Variants in C1QBP observed in about 807,000 individuals in gnomAD.
C1QBP encodes the protein complement component 1 Q subcomponent-binding protein, mitochondrial.
C1QBP carries 24 observed loss-of-function variants against 29.4 expected under a neutral mutation model. The observed-to-expected ratio is 0.82, with a 90% CI of 0.59 to 1.15. The LOEUF (loss-of-function observed/expected upper bound fraction) is 1.15. C1QBP is among the 50% of genes most tolerant of loss of function. The pLI, the probability that C1QBP is intolerant of heterozygous loss-of-function variation, is 0.00. For synonymous variants in C1QBP, 182 were observed against 149.2 expected (o/e 1.22, Z -1.60); for missense variants, 337 against 355.8 (o/e 0.95, Z 0.43).
rs776692849 is a variant in C1QBP, at chr17:5,433,780, G to T, written c.478-13C>A. ...ATGTCAGTTCAGGCTGGGGAAACAA[G>T]AAGTCAATACATGCTGCTGCTGGAA... On this transcript the variant is annotated splice_polypyrimidine_tract_variant and intron_variant, in intron 3 of 5. Transcript: ENST00000225698. 1.2e-6 allele frequency: 2 copies of T among 1,608,220 alleles called. No homozygotes were observed. Among genetic ancestry groups the T allele is most frequent in the Non-Finnish European group, 1.7e-6 (2 of 1,174,562 alleles).
rs774591612 is a variant in C1QBP, at chr17:5,438,211, G to A, written c.295C>T (p.His99Tyr). Reference protein sequence around the residue: ...EIKEERKIQKHKTLPKMSGGW... With the variant: ...EIKEERKIQKYKTLPKMSGGW... ...CCAGACATCTTAGGGAGGGTTTTAT[G>A]CTTCTGAATTTTTCTTTCCTCCTTA... Residue 99 changes from histidine to tyrosine, a missense_variant, in exon 2 of 6, where the codon CAT (histidine) becomes TAT (tyrosine). Physicochemically the swap from His to Tyr is moderately conservative, Grantham distance 83 (BLOSUM62 2). Coordinates refer to ENST00000225698, the MANE Select transcript of C1QBP (RefSeq NM_001212.4). The A allele has an allele frequency of 2.8e-5, 45 of 1,613,932 alleles. No homozygotes were observed. Among genetic ancestry groups the A allele is most frequent in the Non-Finnish European group, 3.8e-5 (45 of 1,180,018 alleles).
rs1916351987 is a variant in C1QBP at position 5,439,003 on chromosome 17, G to A, written c.71C>T (p.Pro24Leu). 6.7e-7 allele frequency: 1 copy of A among 1,485,440 alleles called. No homozygotes were observed. Among genetic ancestry groups the A allele is most frequent in the East Asian group, 2.8e-5 (1 of 35,596 alleles). The allele number at this position is 1,485,440 out of a possible 1,614,324, so 92.0% of individuals were successfully genotyped here. Residue 24 changes from proline to leucine, a missense_variant, in exon 1 of 6, where the codon CCC becomes CTC. Pro to Leu is a moderately conservative substitution (Grantham distance 98). Coordinates refer to ENST00000225698, the MANE Select transcript of C1QBP (RefSeq NM_001212.4). ...SSVAGLRAAA[P>L]ASPFRQLLQP... ...CAGGAGCTGCCGGAAAGGCGAGGCGGGCGCGGCAGCGCGGAGGCCGGCGAC... is the reference window on the plus strand; with the variant it reads ...CAGGAGCTGCCGGAAAGGCGAGGCGAGCGCGGCAGCGCGGAGGCCGGCGAC...
intron 3 of C1QBP, 39 bp downstream of exon 3, chr17:5,434,834 T>C (rs1350209947): frequency 6.4e-7 from 1 of 1,565,538 alleles, no homozygotes; most frequent in Non-Finnish European, 8.8e-7. Context: ...GCACAGCCTG[T>C]CAGAACTGAG....
In C1QBP at chr17:5,434,922, A is replaced by C; in HGVS notation, c.428T>G (p.Phe143Cys). Residue 143 changes from phenylalanine to cysteine, a missense_variant, in exon 3 of 6, where the codon TTT (phenylalanine) becomes TGT (cysteine). Coordinates refer to ENST00000225698, the MANE Select transcript of C1QBP (RefSeq NM_001212.4). Reference sequence around the variant, plus strand: ...TTGCGAGGGTTCCTCCTCACCATCAAATGTTGGTGGGATGCTGTTGTTAAT... The same window carrying C: ...TTGCGAGGGTTCCTCCTCACCATCACATGTTGGTGGGATGCTGTTGTTAAT... The part of the protein sequence containing the change: ...FNINNSIPPT[F>C]DGEEEPSQGQ... 6.2e-7 allele frequency: 1 copy of C among 1,614,028 alleles called. No individual in the cohort carries two copies. The highest frequency in any genetic ancestry group is 8.5e-7 in the Non-Finnish European group (1 of 1,179,970).
At chr17:5,438,782 C>G in intron 1 of C1QBP, 60 bp downstream of exon 1, 1 of 1,545,156 alleles carries the variant, frequency 6.5e-7, no homozygotes, top group Non-Finnish European at 8.7e-7. Context: ...AGGCCCTATT[C>G]CTGGTCTACG....
intron 2 of C1QBP, among the ~76,000 whole-genome samples, chr17:5,437,677 C>T (rs1597350870): frequency 6.6e-6 from 1 of 152,202 alleles, no homozygotes; most frequent in East Asian, 1.9e-4. Context: ...GACTATAATG[C>T]AGAAAAGTGT....
chr17:5,433,593 A>G, intron 4 of C1QBP, 76 bp downstream of exon 4: 1 of 1,553,736 alleles, frequency 6.4e-7, no homozygotes, highest in Non-Finnish European at 8.9e-7. Context: ...ATTTCTGCTA[A>G]AATAGGGACA....
At chr17:5,435,058 G>T in intron 2 of C1QBP, 92 bp from the exon 3 acceptor site, 1 of 1,119,006 alleles carries the variant, frequency 8.9e-7, no homozygotes, top group Non-Finnish European at 1.4e-6. Flanking sequence ...ATCTGCTACA[G>T]TTAAAAAGGC....
intron 2 of C1QBP, among the ~76,000 whole-genome samples, chr17:5,436,664 A>T (rs766945141): frequency 6.6e-6 from 1 of 151,720 alleles, no homozygotes; most frequent in Non-Finnish European, 1.5e-5. Flanking sequence ...AGTACTTACA[A>T]ATCATTAATT....
At chr17:5,434,656 C>T (rs527330692) in intron 3 of C1QBP, 5 of 333,046 alleles carry the variant, frequency 1.5e-5, no homozygotes, top group East Asian at 1.1e-4. Flanking sequence ...TTAGTAGAGA[C>T]GGGGTTTCAC....
In C1QBP at chr17:5,438,127, C is replaced by T. The variant is rs1394270936; in HGVS notation, c.379G>A (p.Glu127Lys). Residue 127 changes from glutamate to lysine, a missense_variant, in exon 2 of 6, where the codon GAA (glutamate) becomes AAA (lysine). Physicochemically the swap from Glu to Lys is moderately conservative, Grantham distance 56 (BLOSUM62 1). Coordinates refer to ENST00000225698, the MANE Select transcript of C1QBP (RefSeq NM_001212.4). ...GATCCCCAGACCAGTACTTACTTTT[C>T]CCCGGCAACTTTCCGCACTAATTTC... ...EAKLVRKVAGEKITVTFNINN... is the reference protein window; with the variant it reads ...EAKLVRKVAGKKITVTFNINN... 1.2e-6 allele frequency: 2 copies of T among 1,612,092 alleles called. No homozygotes were observed. The highest frequency in any genetic ancestry group is 3.3e-5 in the Admixed American group (2 of 60,018).
intron 3 of C1QBP, 97 bp downstream of exon 3, chr17:5,434,773 ATTT>A: frequency 5.4e-6 from 5 of 933,536 alleles, no homozygotes; most frequent in Non-Finnish European, 4.7e-6. Flanking sequence ...ACTTAGAGGA[ATTT>A]TTTTTTTTTG....
At chr17:5,434,470 T>C (rs1014570609) in intron 3 of C1QBP, among the ~76,000 whole-genome samples, 5 of 143,512 alleles carry the variant, frequency 3.5e-5, no homozygotes, top group Non-Finnish European at 7.6e-5. Context: ...CTCTCTTTTT[T>C]TTTTTTTTTT....
chr17:5,435,751 T>C (rs998519569), intron 2 of C1QBP, among the ~76,000 whole-genome samples: 6 of 151,354 alleles, frequency 4.0e-5, no homozygotes, highest in African/African-American at 1.5e-4. Context: ...ACATGAAGGC[T>C]GGGCGCAGTG....
intron 3 of C1QBP, 96 bp downstream of exon 3, chr17:5,434,777 T>C (rs962988183): frequency 1.7e-5 from 20 of 1,169,380 alleles, no homozygotes; most frequent in Non-Finnish European, 2.2e-5. Flanking sequence ...AGAGGAATTT[T>C]TTTTTTTTGA....
At chr17:5,434,520 T>G (rs562822806) in intron 3 of C1QBP, 1 of 146,194 alleles carries the variant, frequency 6.8e-6, no homozygotes, top group Admixed American at 7.5e-5. Context: ...CAGGCTGGAG[T>G]GCAGTGGTGT....
At chr17:5,433,866 G>A in intron 3 of C1QBP, 99 bp from the exon 4 acceptor site, 1 of 1,018,830 alleles carries the variant, frequency 9.8e-7, no homozygotes, top group Non-Finnish European at 1.6e-6. Context: ...CCACTATTAG[G>A]ATATTATGTA....
chr17:5,433,305 A>C lies in C1QBP; in HGVS notation c.687T>G (p.Asp229Glu). The change falls in exon 5 of 6, where the codon GAT (aspartate) becomes GAG (glutamate). Residue 229 changes from aspartate to glutamate, a missense_variant. Asp to Glu is a conservative substitution (Grantham distance 45, BLOSUM62 2). Transcript: ENST00000225698. ...WKDTNYTLNTDSLDWALYDHL... is the reference protein window; with the variant it reads ...WKDTNYTLNTESLDWALYDHL... ...ATCAAGCACTCACCCAGTCCAAGGA[A>C]TCTGTGTTGAGTGTATAATTAGTAT... 1 of 1,614,196 alleles carries C rather than the reference A, an allele frequency of 6.2e-7. No homozygotes were observed. Among genetic ancestry groups the C allele is most frequent in the Non-Finnish European group, 8.5e-7 (1 of 1,180,040 alleles).
intron 2 of C1QBP, 143 bp from the exon 3 acceptor site, chr17:5,435,109 T>G: frequency 2.7e-6 from 2 of 737,506 alleles, no homozygotes. Flanking sequence ...CTGAATTATA[T>G]GCAGAACTTC....
Sources: allele counts gnomAD v4.1 joint callset (sites outside exome capture counted in the v4.1 genomes callset), GRCh38; gene constraint gnomAD v4.1.1; transcripts MANE v1.5; gene names NCBI Gene and HGNC (gene_info 2026-07-23, HGNC 2026-07-21).